The following PCDHA6 variants were observed in gnomAD, a reference collection of about 807,000 sequenced individuals.
PCDHA6 encodes protocadherin alpha 6, also known as protocadherin alpha-6.
A neutral mutation model predicts 60.3 loss-of-function variants in PCDHA6; 55 were observed. That is an observed-to-expected ratio of 0.91 (90% CI 0.73 to 1.14). The LOEUF is 1.14. PCDHA6 is among the 50% of genes most tolerant of loss of function. PCDHA6 has a pLI of 0.00. For synonymous variants in PCDHA6, 652 were observed against 557.9 expected, an observed-to-expected ratio of 1.17 and a Z score of -2.38; for missense variants, 1,327 against 1,256.5, an observed-to-expected ratio of 1.06 and a Z score of -0.85.
At chr5:140,871,549 T>C (rs1554165727) in intron 1 of PCDHA6, 6 of 1,496,034 alleles carry the variant, frequency 4.0e-6, no homozygotes, top group Non-Finnish European at 5.4e-6. Flanking sequence ...TTATTTAAAA[T>C]CCAGTTTTTT....
chr5:140,832,500 G>T (rs1772022478), intron 1 of PCDHA6, among the ~76,000 whole-genome samples: 1 of 152,184 alleles, frequency 6.6e-6, no homozygotes, highest in Non-Finnish European at 1.5e-5. Flanking sequence ...AAGAGTGGCA[G>T]AATTGTCTCT....
intron 3 of PCDHA6, among the ~76,000 whole-genome samples, chr5:140,984,356 A>G (rs556586072): frequency 1.3e-5 from 2 of 152,362 alleles, no homozygotes; most frequent in African/African-American, 4.8e-5. Flanking sequence ...GATATTTCAT[A>G]CATCTGGCCA....
At chr5:140,904,859 T>C (rs1294164011) in intron 1 of PCDHA6, among the ~76,000 whole-genome samples, 8 of 152,242 alleles carry the variant, frequency 5.3e-5, no homozygotes, top group Non-Finnish European at 1.2e-4. Flanking sequence ...GAGAATTGTC[T>C]GTTTATGTCC....
chr5:141,004,869 A>T (rs908726845), intron 3 of PCDHA6, among the ~76,000 whole-genome samples: 3 of 152,218 alleles, frequency 2.0e-5, no homozygotes, highest in Non-Finnish European at 2.9e-5. Flanking sequence ...TTTGTTTCTC[A>T]TCCCTAAAGT....
In PCDHA6 at chr5:141,010,329, G is replaced by C; in HGVS notation, c.*392G>C. On this transcript the variant is annotated 3_prime_UTR_variant, in exon 4 of 4. Coordinates refer to ENST00000529310, the MANE Select transcript of PCDHA6 (RefSeq NM_018909.4). ...AGTTTTGAGATTGAGCAGCTTGGGAGTTTGTGGCCACTGGGTATGTGTGGC... is the reference window on the plus strand; with the variant it reads ...AGTTTTGAGATTGAGCAGCTTGGGACTTTGTGGCCACTGGGTATGTGTGGC... 6.5e-7 allele frequency: 1 copy of C among 1,538,672 alleles called. No individual in the cohort carries two copies. Among genetic ancestry groups the C allele is most frequent in the Non-Finnish European group, 8.8e-7 (1 of 1,142,532 alleles).
chr5:140,936,303 T>C (rs1223461427), intron 1 of PCDHA6, among the ~76,000 whole-genome samples: 3 of 152,236 alleles, frequency 2.0e-5, no homozygotes, highest in South Asian at 2.1e-4. Flanking sequence ...TGCTATCCAA[T>C]AGAACTTTCT....
chr5:140,995,998 C>T (rs1197239441), intron 3 of PCDHA6, among the ~76,000 whole-genome samples: 1 of 152,192 alleles, frequency 6.6e-6, no homozygotes, highest in Non-Finnish European at 1.5e-5. Context: ...TCAAAAATGT[C>T]GTCAGAACTA....
chr5:140,960,467 C>A (rs1554224775), intron 1 of PCDHA6, among the ~76,000 whole-genome samples: 1 of 152,010 alleles, frequency 6.6e-6, no homozygotes, highest in Non-Finnish European at 1.5e-5. Context: ...GAGAAGTAAT[C>A]CTTCTTACAC....
Position 140,870,644 on chromosome 5 carries a change from G to A in PCDHA6, c.2394+40159G>A, listed in dbSNP as rs782672271. ...TACGTGTCGGTGCACGCGGAGAGCG[G>A]CAAGGTGTACGCGCTGCAGCCGTTG... is the stretch of plus-strand genomic sequence containing the variant. On this transcript the variant is annotated intron_variant, in intron 1 of 3. Transcript: ENST00000529310. 8.7e-6 allele frequency: 14 copies of A among 1,612,768 alleles called. No homozygotes were observed. In the South Asian group the frequency reaches 1.4e-4, roughly 16 times the overall value.
intron 1 of PCDHA6, among the ~76,000 whole-genome samples, chr5:140,894,449 A>G (rs1227566097): frequency 6.6e-6 from 1 of 151,950 alleles, no homozygotes; most frequent in Non-Finnish European, 1.5e-5. Flanking sequence ...TCTTTTTTAA[A>G]AAATATTTTA....
chr5:140,929,409 T>C, intron 1 of PCDHA6: 11 of 1,506,206 alleles, frequency 7.3e-6, no homozygotes, highest in Non-Finnish European at 9.8e-6. Context: ...GACAAGCCTT[T>C]CACAACATTT....
intron 1 of PCDHA6, chr5:140,870,864 C>A (rs782241816): frequency 5.6e-6 from 9 of 1,613,934 alleles, no homozygotes; most frequent in Non-Finnish European, 7.6e-6. Context: ...TGGGTGCGGG[C>A]CACGTGGTGG....
chr5:140,973,105 G>C (rs1166565820), intron 1 of PCDHA6, among the ~76,000 whole-genome samples: 1 of 152,180 alleles, frequency 6.6e-6, no homozygotes, highest in Non-Finnish European at 1.5e-5. Flanking sequence ...AATTATGAAA[G>C]AGTAGCAGAG....
chr5:140,946,806 T>A (rs965284033), intron 1 of PCDHA6, among the ~76,000 whole-genome samples: 20 of 151,184 alleles, frequency 1.3e-4, no homozygotes, highest in African/African-American at 4.6e-4. Context: ...GCAGAGAGTA[T>A]AACAGTGATT....
Position 140,829,936 on chromosome 5 carries a change from A to G in PCDHA6, c.1845A>G (p.Ala615=). 1.2e-6 allele frequency: 2 copies of G among 1,613,968 alleles called. No homozygotes were observed. The highest frequency in any genetic ancestry group is 1.7e-6 in the Non-Finnish European group (2 of 1,179,908). The change falls in exon 1 of 4, where the codon GCA becomes GCG. Residue 615 remains alanine, a synonymous_variant. Coordinates refer to ENST00000529310, the MANE Select transcript of PCDHA6 (RefSeq NM_018909.4). ...TTTCGTATGAGCTGCAGCCCCCGGCAAGCAGCGCTCGCTTCCCGTTTCGCG... is the reference window on the plus strand; with the variant it reads ...TTTCGTATGAGCTGCAGCCCCCGGCGAGCAGCGCTCGCTTCCCGTTTCGCG... ...AWLSYELQPP[A]SSARFPFRVG...
intron 1 of PCDHA6, among the ~76,000 whole-genome samples, chr5:140,892,616 G>C (rs781995267): frequency 6.6e-6 from 1 of 151,910 alleles, no homozygotes; most frequent in Non-Finnish European, 1.5e-5. Flanking sequence ...TTTATTTCCA[G>C]TTGGTACATA....
chr5:140,926,890 A>C, intron 1 of PCDHA6: 2 of 1,543,874 alleles, frequency 1.3e-6, no homozygotes, highest in Non-Finnish European at 1.7e-6. Context: ...GCCTAGAGGG[A>C]GGATGGTGGG....
chr5:140,943,529 A>C (rs1291911076), intron 1 of PCDHA6, among the ~76,000 whole-genome samples: 1 of 152,220 alleles, frequency 6.6e-6, no homozygotes, highest in Non-Finnish European at 1.5e-5. Flanking sequence ...TCAGTATGCA[A>C]AATGTCATGT....
intron 1 of PCDHA6, chr5:140,871,449 G>T (rs782722272): frequency 2.7e-5 from 43 of 1,608,644 alleles, no homozygotes; most frequent in Non-Finnish European, 3.7e-5. Flanking sequence ...TGAATAAAGA[G>T]GAGGAAGGGG....
Sources: gnomAD v4.1 joint callset for allele counts (sites outside exome capture counted in the v4.1 genomes callset) on GRCh38, gnomAD v4.1.1 for gene constraint, MANE v1.5 for transcripts, NCBI Gene and HGNC (gene_info 2026-07-23, HGNC 2026-07-21) for gene names.